The following ADAM17 variants were observed in gnomAD, a reference collection of about 807,000 sequenced individuals.
The protein encoded by ADAM17 is disintegrin and metalloproteinase domain-containing protein 17.
A neutral mutation model predicts 96.7 loss-of-function variants in ADAM17; 39 were observed. The observed-to-expected ratio is 0.40, with a 90% confidence interval of 0.31 to 0.53. The LOEUF (loss-of-function observed/expected upper bound fraction) is 0.53. ADAM17 is among the 20% of genes least tolerant of loss of function. The probability of loss-of-function intolerance (pLI) is 0.44; values close to 1 mark genes in which losing one functional copy is unlikely to be tolerated. For missense variants in ADAM17, 777 were observed against 1,013.2 expected, an observed-to-expected ratio of 0.77 and a Z score of 3.17; for synonymous variants, 344 against 359.2, an observed-to-expected ratio of 0.96 and a Z score of 0.48.
chr2:9,517,880 T>C, intron 10 of ADAM17, 21 bp downstream of exon 10: 1 of 1,509,322 alleles, frequency 6.6e-7, no homozygotes. Flanking sequence ...ACACTATTCT[T>C]TTAGAAATAA....
At chr2:9,507,806 A>T (rs1163486887) in intron 11 of ADAM17, among the ~76,000 whole-genome samples, 2 of 151,900 alleles carry the variant, frequency 1.3e-5, no homozygotes, top group East Asian at 3.9e-4. Flanking sequence ...TGCCGCCTTG[A>T]ACTCCCCGGG....
intron 1 of ADAM17, among the ~76,000 whole-genome samples, chr2:9,546,004 G>A (rs749391890): frequency 1.3e-5 from 2 of 151,294 alleles, no homozygotes; most frequent in Non-Finnish European, 2.9e-5. Flanking sequence ...AGGTTCAGGC[G>A]GGAGGATCAC....
At chr2:9,495,126 T>G (rs1293796098) in intron 14 of ADAM17, among the ~76,000 whole-genome samples, 1 of 152,212 alleles carries the variant, frequency 6.6e-6, no homozygotes, top group Non-Finnish European at 1.5e-5. Context: ...AATCCTTGGT[T>G]TTTCAGTCTA....
At chr2:9,492,743 AG>A (rs1365218205) in intron 17 of ADAM17, among the ~76,000 whole-genome samples, 154 bp downstream of exon 17, 12 of 152,344 alleles carry the variant, frequency 7.9e-5, no homozygotes, top group African/African-American at 2.4e-4. Flanking sequence ...GCTTTCTACA[AG>A]ACATGTTCCC....
At chr2:9,530,194 C>T (rs1002047153) in intron 4 of ADAM17, among the ~76,000 whole-genome samples, 1 of 152,136 alleles carries the variant, frequency 6.6e-6, no homozygotes, top group Admixed American at 6.5e-5. Context: ...CAGGAATCTT[C>T]CATATTTAGT....
chr2:9,525,431 T>C (rs1664484665), intron 6 of ADAM17, among the ~76,000 whole-genome samples: 1 of 152,208 alleles, frequency 6.6e-6, no homozygotes. Context: ...TTCTTCTTGC[T>C]TCATGAATAG....
At chr2:9,503,212 C>T (rs116025000) in intron 12 of ADAM17, among the ~76,000 whole-genome samples, 2,694 of 151,660 alleles carry the variant, frequency 0.018, 43 homozygotes, top group Non-Finnish European at 0.029. Context: ...CTAAGACACT[C>T]GGCAGCCAGA....
chr2:9,537,241 C>T (rs1664993374), intron 2 of ADAM17, among the ~76,000 whole-genome samples: 1 of 152,030 alleles, frequency 6.6e-6, no homozygotes, highest in Admixed American at 6.6e-5. Flanking sequence ...ATCTATTATC[C>T]CCACTTCACA....
intron 10 of ADAM17, among the ~76,000 whole-genome samples, chr2:9,515,683 G>A (rs1426174185): frequency 3.4e-5 from 5 of 149,162 alleles, no homozygotes; most frequent in African/African-American, 5.0e-5. Context: ...GCAGTGAGCC[G>A]AGATGGCGCC....
chr2:9,496,451 G>A (rs1369921585), intron 14 of ADAM17: 1 of 152,294 alleles, frequency 6.6e-6, no homozygotes, highest in African/African-American at 2.4e-5. Flanking sequence ...TTGAAAGCAA[G>A]AGAACTCCCT....
At chr2:9,510,576 A>T (rs1431089420) in intron 10 of ADAM17, among the ~76,000 whole-genome samples, 2 of 151,972 alleles carry the variant, frequency 1.3e-5, no homozygotes. Context: ...AGGCAGGAGA[A>T]CTGCTTGAAC....
chr2:9,497,966 A>C (rs979466750), intron 13 of ADAM17, among the ~76,000 whole-genome samples: 2 of 152,110 alleles, frequency 1.3e-5, no homozygotes, highest in Admixed American at 6.5e-5. Context: ...AAATCTATTA[A>C]GTTATCTCCA....
rs75255515 is a variant in ADAM17, at chr2:9,494,925, A to G, written c.1784-158T>C. 616 of 844,290 alleles carry G rather than the reference A, an allele frequency of 7.3e-4. 3 individuals carry two copies. In the African/African-American group the frequency reaches 0.01, roughly 14 times the overall value. 52.3% of individuals were successfully genotyped at this position (844,290 alleles called of 1,614,324 possible). The stretch of plus-strand genomic sequence containing the variant: ...CTATCCATAGCCCCCACCAAGGAGT[A>G]GTTTCTGAGGTCACACTCCTCAGCC... On this transcript the variant is annotated intron_variant, in intron 14 of 18. Transcript: ENST00000310823.
intron 2 of ADAM17, among the ~76,000 whole-genome samples, chr2:9,541,075 G>A (rs907867709): frequency 6.6e-6 from 1 of 152,100 alleles, no homozygotes; most frequent in East Asian, 1.9e-4. Context: ...CATTTACAAA[G>A]ATACTCACTA....
At chr2:9,541,975 G>A (rs1665222751) in intron 2 of ADAM17, among the ~76,000 whole-genome samples, 1 of 152,158 alleles carries the variant, frequency 6.6e-6, no homozygotes, top group Non-Finnish European at 1.5e-5. Flanking sequence ...AGGAGGCAGA[G>A]GTTGCAGTGA....
At chr2:9,520,979 A>AAAAAAAC in intron 8 of ADAM17, among the ~76,000 whole-genome samples, 1 of 147,168 alleles carries the variant, frequency 6.8e-6, no homozygotes, top group Non-Finnish European at 1.5e-5. Context: ...AAAAAAAAAA[A>AAAAAAAC]AAAAAAAGGA....
chr2:9,549,830 T>G (rs1665527718), intron 1 of ADAM17, among the ~76,000 whole-genome samples: 1 of 152,144 alleles, frequency 6.6e-6, no homozygotes, highest in Non-Finnish European at 1.5e-5. Context: ...GTGGATTTTT[T>G]ACATTAATTT....
chr2:9,493,720 A>T, intron 16 of ADAM17, 27 bp downstream of exon 16: 3 of 1,593,366 alleles, frequency 1.9e-6, no homozygotes, highest in South Asian at 2.2e-5. Context: ...CTCAGCTCTC[A>T]GTAAGTAATC....
At chr2:9,545,112 T>G (rs1176681745) in intron 1 of ADAM17, among the ~76,000 whole-genome samples, 1 of 152,208 alleles carries the variant, frequency 6.6e-6, no homozygotes, top group Non-Finnish European at 1.5e-5. Context: ...GTTCTCAAAG[T>G]GTAGTTCCCA....
Sources: allele counts gnomAD v4.1 joint callset (sites outside exome capture counted in the v4.1 genomes callset), GRCh38; gene constraint gnomAD v4.1.1; transcripts MANE v1.5; gene names NCBI Gene and HGNC (gene_info 2026-07-23, HGNC 2026-07-21).